Variants in NRL observed in about 807,000 individuals in gnomAD.
NRL encodes the protein neural retina-specific leucine zipper protein.
NRL carries 16 observed loss-of-function variants against 12.5 expected under a neutral mutation model. That is an observed-to-expected ratio of 1.28 (90% CI 0.87 to 1.95). The LOEUF is 1.95. Among genes scored for constraint, NRL ranks in the 30% most tolerant of loss-of-function variants. The pLI is 0.00. For synonymous variants in NRL, 142 were observed against 150.9 expected (o/e 0.94, Z 0.43); for missense variants, 314 against 325.8 (o/e 0.96, Z 0.28).
At chr14:24,102,322 A>G (rs1321351400) in intron 1 of NRL, among the ~76,000 whole-genome samples, 1 of 152,226 alleles carries the variant, frequency 6.6e-6, no homozygotes, top group African/African-American at 2.4e-5. Flanking sequence ...AATTGTCTGA[A>G]GTACTAAGCT....
chr14:24,084,070 C>A (rs1444004217), intron 1 of NRL, among the ~76,000 whole-genome samples: 1 of 152,168 alleles, frequency 6.6e-6, no homozygotes, highest in African/African-American at 2.4e-5. Context: ...TAGACTTCGG[C>A]TCCTTCTAGA....
chr14:24,084,018 C>A (rs1165978531), intron 1 of NRL, among the ~76,000 whole-genome samples: 1 of 152,178 alleles, frequency 6.6e-6, no homozygotes, highest in Non-Finnish European at 1.5e-5. Flanking sequence ...TCCCACCCCA[C>A]CCCCAGAAGG....
At chr14:24,084,363 G>A (rs2036411933) in intron 1 of NRL, among the ~76,000 whole-genome samples, 1 of 152,216 alleles carries the variant, frequency 6.6e-6, no homozygotes, top group African/African-American at 2.4e-5. Context: ...TTATCTTTCT[G>A]ACGTGATAGC....
Position 24,094,801 on chromosome 14 carries a change from G to A in NRL, c.-27-11926C>T. 1 of 1,358,818 alleles carries A rather than the reference G, an allele frequency of 7.4e-7. No individual in the cohort carries two copies. The highest frequency in any genetic ancestry group is 2.2e-5 in the Admixed American group (1 of 45,406). 84.2% of individuals were successfully genotyped at this position (1,358,818 alleles called of 1,614,324 possible). ...CGGACCTCTAACGGGCTCTCAGCCA[G>A]CGCCCCAGGGTACTTCGAGAGGCAG... On this transcript the variant is annotated intron_variant, in intron 1 of 2. Coordinates refer to ENST00000561028, the MANE Select transcript of NRL (RefSeq NM_001354768.3). The surrounding 1 kb of genome is among the most constrained non-coding windows in gnomAD (Gnocchi z 4.1).
intron 1 of NRL, chr14:24,103,934 G>A: frequency 6.2e-7 from 1 of 1,614,024 alleles, no homozygotes; most frequent in South Asian, 1.1e-5. Flanking sequence ...CTGAGCTTGA[G>A]GCCCTGGAGA....
chr14:24,087,977 A>G (rs1468727940), intron 1 of NRL, among the ~76,000 whole-genome samples: 1 of 152,062 alleles, frequency 6.6e-6, no homozygotes, highest in African/African-American at 2.4e-5. Context: ...GCAGTGGGCC[A>G]TGATGGTGCC....
chr14:24,080,453 C>T lies in NRL; in HGVS notation c.*783G>A, dbSNP rs1377394912. 3.3e-5 allele frequency: 5 copies of T among 152,536 alleles called. No homozygotes were observed. The highest frequency in any genetic ancestry group is 1.2e-4 in the African/African-American group (5 of 41,442). 9.4% of individuals were successfully genotyped at this position (152,536 alleles called of 1,614,324 possible). On this transcript the variant is annotated 3_prime_UTR_variant, in exon 3 of 3. Transcript: ENST00000561028. ...TTGTCTTGGGGACTTCTTGGGGAGA[C>T]CACCGGGACTTCCATACTGGGGAGA...
intron 1 of NRL, among the ~76,000 whole-genome samples, chr14:24,112,435 A>G (rs1217976290): frequency 1.3e-5 from 2 of 148,284 alleles, no homozygotes; most frequent in Non-Finnish European, 3.0e-5. Flanking sequence ...ATCAGAGTGA[A>G]CAGGCAACCT....
chr14:24,087,291 A>G (rs908428926), intron 1 of NRL, among the ~76,000 whole-genome samples: 1 of 152,222 alleles, frequency 6.6e-6, no homozygotes, highest in Non-Finnish European at 1.5e-5. Flanking sequence ...GGGACAGGAC[A>G]TAAGATTGGG....
chr14:24,094,694 C>G lies in NRL; in HGVS notation c.-27-11819G>C, dbSNP rs1222741219. On this transcript the variant is annotated intron_variant, in intron 1 of 2. Coordinates refer to ENST00000561028, the MANE Select transcript of NRL (RefSeq NM_001354768.3). This position sits in a 1 kb window ranked among gnomAD's most constrained non-coding sequence, Gnocchi z 4.1. ...GACCGCGCGATCTCTATCTGCCACT[C>G]TCAGAACTTCCTCTCTCTCCTCGCT... The G allele has an allele frequency of 6.6e-7, 1 of 1,519,884 alleles. No individual in the cohort carries two copies. The highest frequency in any genetic ancestry group is 8.8e-7 in the Non-Finnish European group (1 of 1,137,022). 94.1% of individuals were successfully genotyped at this position (1,519,884 alleles called of 1,614,324 possible).
chr14:24,093,944 C>G, intron 1 of NRL: 1 of 480,914 alleles, frequency 2.1e-6, no homozygotes. Flanking sequence ...TTCTAGACGT[C>G]TGGCCCCTGT....
chr14:24,107,291 T>A (rs1354963033), intron 1 of NRL, among the ~76,000 whole-genome samples: 1 of 152,198 alleles, frequency 6.6e-6, no homozygotes, highest in African/African-American at 2.4e-5. Flanking sequence ...CAGCTCCAGA[T>A]AACTGATAAA....
rs1184772272 is a variant in NRL at position 24,081,792 on chromosome 14, C to T, written c.382-224G>A. On this transcript the variant is annotated intron_variant, in intron 2 of 2. Coordinates refer to ENST00000561028, the MANE Select transcript of NRL (RefSeq NM_001354768.3). The surrounding 1 kb of genome is among the most constrained non-coding windows in gnomAD (Gnocchi z 4.4). ...CCGTTGCTCCAGTCAGGCGGGCGCCCCACGGTGCAGGGCCGGCCACGGTCA... is the reference window on the plus strand; with the variant it reads ...CCGTTGCTCCAGTCAGGCGGGCGCCTCACGGTGCAGGGCCGGCCACGGTCA... The T allele has an allele frequency of 2.6e-6, 4 of 1,513,308 alleles. No homozygotes were observed. The highest frequency in any genetic ancestry group is 1.8e-6 in the Non-Finnish European group (2 of 1,135,058). The allele number at this position is 1,513,308 out of a possible 1,614,324, so 93.7% of individuals were successfully genotyped here.
At position 24,103,926 on chromosome 14, in the gene NRL, G is replaced by A. The variant is rs144940239; in HGVS notation, c.-28+10796C>T. ...GGATCTGCCCAAAGAGGTGTTGGCT[G>A]AGCTTGAGGCCCTGGAGAGACGTGT... On this transcript the variant is annotated intron_variant, in intron 1 of 2. Coordinates refer to ENST00000561028, the MANE Select transcript of NRL (RefSeq NM_001354768.3). 305 of 1,614,092 alleles carry A rather than the reference G, an allele frequency of 1.9e-4. 1 individual carries two copies. The African/African-American group carries it at 3.3e-3, about 17-fold the overall frequency.
intron 1 of NRL, chr14:24,098,723 T>C (rs1405102027): frequency 6.5e-7 from 1 of 1,532,832 alleles, no homozygotes; most frequent in Non-Finnish European, 9.0e-7. Context: ...GGCCTTCTTG[T>C]ACTCAGAGGA....
intron 1 of NRL, among the ~76,000 whole-genome samples, chr14:24,083,825 C>T (rs1321661367): frequency 6.6e-6 from 1 of 152,164 alleles, no homozygotes; most frequent in African/African-American, 2.4e-5. Context: ...CTGAGCAATC[C>T]TTTAGTAAAC....
rs1373218100 is a variant in NRL at position 24,080,084 on chromosome 14, C to G, written c.*1152G>C. ...TCTCCCTCTCCCACACACAGACACA[C>G]AAACAGTAGCCTGAAGCAGGGATAA... On this transcript the variant is annotated 3_prime_UTR_variant, in exon 3 of 3. Coordinates refer to ENST00000561028, the MANE Select transcript of NRL (RefSeq NM_001354768.3). 6.6e-6 allele frequency: 1 copy of G among 152,292 alleles called. No homozygotes were observed. The highest frequency in any genetic ancestry group is 2.4e-5 in the African/African-American group (1 of 41,446). The allele number at this position is 152,292 out of a possible 1,614,324, so 9.4% of individuals were successfully genotyped here.
At chr14:24,111,208 G>A (rs1271262238) in intron 1 of NRL, among the ~76,000 whole-genome samples, 1 of 151,894 alleles carries the variant, frequency 6.6e-6, no homozygotes, top group African/African-American at 2.4e-5. Context: ...TTGAACTCCT[G>A]GCCACAAATG....
Position 24,081,605 on chromosome 14 carries a change from G to C in NRL, c.382-37C>G. On this transcript the variant is annotated intron_variant, in intron 2 of 2. Transcript: ENST00000561028. This position sits in a 1 kb window ranked among gnomAD's most constrained non-coding sequence, Gnocchi z 4.4. Reference sequence around the variant, plus strand: ...GAATGCAGAAACCGGGTCAGCGCCAGGTCGCACCCGGCTCTGCCCTGAGGG... The same window carrying C: ...GAATGCAGAAACCGGGTCAGCGCCACGTCGCACCCGGCTCTGCCCTGAGGG... The C allele has an allele frequency of 2.6e-6, 4 of 1,557,386 alleles. No individual in the cohort carries two copies. Among genetic ancestry groups the C allele is most frequent in the Non-Finnish European group, 3.5e-6 (4 of 1,152,038 alleles).
Sources: allele counts gnomAD v4.1 joint callset (sites outside exome capture counted in the v4.1 genomes callset), GRCh38; gene constraint gnomAD v4.1.1; non-coding constraint Gnocchi (gnomAD v3.1); transcripts MANE v1.5; gene names NCBI Gene and HGNC (gene_info 2026-07-23, HGNC 2026-07-21).